The following PIEZO2 variants were observed in gnomAD, a reference collection of about 807,000 sequenced individuals.
PIEZO2 encodes the protein piezo-type mechanosensitive ion channel component 2.
PIEZO2 carries 172 observed loss-of-function variants against 337.3 expected under a neutral mutation model. The observed-to-expected ratio is 0.51, with a 90% confidence interval of 0.45 to 0.58. PIEZO2 has a LOEUF of 0.58. PIEZO2 is among the 20% of genes least tolerant of loss of function. PIEZO2 has a pLI of 0.00. For missense variants in PIEZO2, 3,028 were observed against 3,391.3 expected (o/e 0.89, Z 2.66); for synonymous variants, 1,251 against 1,228.5 (o/e 1.02, Z -0.38).
chr18:10,831,113 C>A (rs367547114), intron 7 of PIEZO2, among the ~76,000 whole-genome samples: 8 of 152,082 alleles, frequency 5.3e-5, no homozygotes, highest in African/African-American at 1.9e-4. Context: ...GAAAACAGTA[C>A]GGAGGTTCCT....
Position 10,795,482 on chromosome 18 carries a change from T to C in PIEZO2, c.1528-480A>G, listed in dbSNP as rs1443628205. On this transcript the variant is annotated intron_variant, in intron 12 of 55. Coordinates refer to ENST00000674853, the MANE Select transcript of PIEZO2 (RefSeq NM_001378183.1). The surrounding 1 kb of genome is among the most constrained non-coding windows in gnomAD (Gnocchi z 4.4). ...GAGAAAAAAAAATGGTATACTCCTG[T>C]GAGCTCAGAATGAGAGATTTGCTGC... Among the ~76,000 whole-genome samples the C allele has an allele frequency of 6.6e-6, 1 of 151,956 alleles. No homozygotes were observed. Among genetic ancestry groups the C allele is most frequent in the Non-Finnish European group, 1.5e-5 (1 of 68,018 alleles).
At position 10,871,241 on chromosome 18, in the gene PIEZO2, A is replaced by G. The variant is rs2042131721; in HGVS notation, c.492+12T>C. 6.5e-7 allele frequency: 1 copy of G among 1,534,812 alleles called. No homozygotes were observed. ...GAAATCAAAGAAGGAAGAGACATGG[A>G]GTTGGATTTACCAATTCTTCATTTT... is the stretch of plus-strand genomic sequence containing the variant. On this transcript the variant is annotated intron_variant, in intron 5 of 55. Transcript: ENST00000674853.
chr18:10,800,475 C>A lies in PIEZO2; in HGVS notation c.1240G>T (p.Gly414Cys), dbSNP rs1248417082. 1 of 1,526,996 alleles carries A rather than the reference C, an allele frequency of 6.5e-7. No homozygotes were observed. Among genetic ancestry groups the A allele is most frequent in the Admixed American group, 2.0e-5 (1 of 49,028 alleles). The allele number at this position is 1,526,996 out of a possible 1,614,324, so 94.6% of individuals were successfully genotyped here. Residue 414 changes from glycine (G) to cysteine (C), a missense_variant and splice_region_variant, in exon 11 of 56, where the codon GGC becomes TGC. Transcript: ENST00000674853. ...MTQDDYKPSDGLLVTVNGNPV... is the reference protein window; with the variant it reads ...MTQDDYKPSDCLLVTVNGNPV... Reference sequence around the variant, plus strand: ...TTGCCGTTCACAGTCACCAGCAGGCCCTGCCGGGAGTGCAGAGAAAGGGAC... The same window carrying A: ...TTGCCGTTCACAGTCACCAGCAGGCACTGCCGGGAGTGCAGAGAAAGGGAC...
intron 36 of PIEZO2, 71 bp downstream of exon 36, chr18:10,731,336 T>C: frequency 9.6e-7 from 1 of 1,038,324 alleles, no homozygotes; most frequent in Non-Finnish European, 1.4e-6. Flanking sequence ...TTTCTGTCCT[T>C]TGCAGACAAG....
chr18:10,996,206 G>A (rs1275199032), intron 2 of PIEZO2, among the ~76,000 whole-genome samples: 1 of 152,104 alleles, frequency 6.6e-6, no homozygotes, highest in Non-Finnish European at 1.5e-5. Context: ...AGTGTTTGTT[G>A]CTTTCACTGA....
intron 11 of PIEZO2, among the ~76,000 whole-genome samples, chr18:10,799,526 TGA>T (rs56263708): frequency 0.28 from 42,458 of 152,038 alleles, 6,924 homozygotes; most frequent in Middle Eastern, 0.41. Flanking sequence ...AAATCAAATC[TGA>T]GAGTGAAACT....
chr18:10,752,423 G>A (rs2037683946), intron 28 of PIEZO2, among the ~76,000 whole-genome samples: 1 of 152,198 alleles, frequency 6.6e-6, no homozygotes, highest in Admixed American at 6.5e-5. Flanking sequence ...CTTTAGCCAT[G>A]TGGCCTTGAA....
In PIEZO2 at chr18:11,083,482, A is replaced by T. The variant is rs1301930089; in HGVS notation, c.65-17260T>A. 2.6e-5 allele frequency among the ~76,000 whole-genome samples: 4 copies of T among 152,206 alleles called. No individual in the cohort carries two copies. The East Asian group carries it at 7.7e-4, about 29-fold the overall frequency. On this transcript the variant is annotated intron_variant, in intron 1 of 55. Coordinates refer to ENST00000674853, the MANE Select transcript of PIEZO2 (RefSeq NM_001378183.1). This position sits in a 1 kb window ranked among gnomAD's most constrained non-coding sequence, Gnocchi z 4.4. Reference sequence around the variant, plus strand: ...GAATGATGCTGGCTGTGGCTTGGGGAAATGGAGGGGAACTAGAGAGAGGAG... The same window carrying T: ...GAATGATGCTGGCTGTGGCTTGGGGTAATGGAGGGGAACTAGAGAGAGGAG...
At chr18:11,141,290 G>A (rs1005323189) in intron 1 of PIEZO2, among the ~76,000 whole-genome samples, 1 of 152,178 alleles carries the variant, frequency 6.6e-6, no homozygotes, top group Non-Finnish European at 1.5e-5. Context: ...TGTATTTAAG[G>A]AAGAATGGCA....
Position 11,009,071 on chromosome 18 carries a change from G to A in PIEZO2, c.161-29411C>T, listed in dbSNP as rs893596127. Among the ~76,000 whole-genome samples the A allele has an allele frequency of 1.3e-5, 2 of 152,230 alleles. No homozygotes were observed. Among genetic ancestry groups the A allele is most frequent in the Non-Finnish European group, 1.5e-5 (1 of 68,008 alleles). On this transcript the variant is annotated intron_variant, in intron 2 of 55. Coordinates refer to ENST00000674853, the MANE Select transcript of PIEZO2 (RefSeq NM_001378183.1). This position sits in a 1 kb window ranked among gnomAD's most constrained non-coding sequence, Gnocchi z 4.6. ...AGATTGAATTCTGTTACTTAACTACGTACGTGATTGTGTTCAAATCCTTCA... is the reference window on the plus strand; with the variant it reads ...AGATTGAATTCTGTTACTTAACTACATACGTGATTGTGTTCAAATCCTTCA...
At chr18:11,036,792 C>T (rs982452834) in intron 2 of PIEZO2, among the ~76,000 whole-genome samples, 8 of 152,026 alleles carry the variant, frequency 5.3e-5, no homozygotes, top group African/African-American at 1.9e-4. Context: ...AATTATTCTC[C>T]TCATGGGTAA....
At chr18:10,718,868 A>C (rs1161098586) in intron 36 of PIEZO2, among the ~76,000 whole-genome samples, 2 of 151,782 alleles carry the variant, frequency 1.3e-5, no homozygotes, top group African/African-American at 2.4e-5. Context: ...GGTGGTGCGC[A>C]CCTGTAGTCC....
chr18:10,847,863 T>C lies in PIEZO2; in HGVS notation c.917+7490A>G, dbSNP rs1326859678. Among the ~76,000 whole-genome samples, 1 of 152,246 alleles carries C rather than the reference T, an allele frequency of 6.6e-6. No homozygotes were observed. Among genetic ancestry groups the C allele is most frequent in the East Asian group, 1.9e-4 (1 of 5,204 alleles). On this transcript the variant is annotated intron_variant, in intron 7 of 55. Transcript: ENST00000674853. This position sits in a 1 kb window ranked among gnomAD's most constrained non-coding sequence, Gnocchi z 5.7. ...AACACTAGAGATTAACTGCTGCCAATGCCATCTTCTAACAAAAAGGTGAAG... is the reference window on the plus strand; with the variant it reads ...AACACTAGAGATTAACTGCTGCCAACGCCATCTTCTAACAAAAAGGTGAAG...
intron 13 of PIEZO2, 163 bp from the exon 14 acceptor site, chr18:10,791,487 C>G: frequency 1.4e-6 from 1 of 721,148 alleles, no homozygotes; most frequent in Non-Finnish European, 2.0e-6. Flanking sequence ...CTGAGATTCA[C>G]TGCTTTTAAG....
intron 1 of PIEZO2, among the ~76,000 whole-genome samples, chr18:11,139,643 A>T (rs1242871622): frequency 6.6e-6 from 1 of 152,168 alleles, no homozygotes; most frequent in Non-Finnish European, 1.5e-5. Flanking sequence ...TTATCTTTCC[A>T]CAGATATTTA....
At chr18:10,991,139 T>C (rs529347779) in intron 2 of PIEZO2, among the ~76,000 whole-genome samples, 21 of 151,112 alleles carry the variant, frequency 1.4e-4, no homozygotes, top group African/African-American at 4.9e-4. Flanking sequence ...ATTCTTTTTG[T>C]TTTTGGAAGG....
Position 10,943,518 on chromosome 18 carries a change from G to A in PIEZO2, c.287-32290C>T, listed in dbSNP as rs1041745927. Among the ~76,000 whole-genome samples the A allele has an allele frequency of 1.3e-5, 2 of 152,164 alleles. No homozygotes were observed. Among genetic ancestry groups the A allele is most frequent in the East Asian group, 1.9e-4 (1 of 5,192 alleles). On this transcript the variant is annotated intron_variant, in intron 3 of 55. Transcript: ENST00000674853. The surrounding 1 kb of genome is among the most constrained non-coding windows in gnomAD (Gnocchi z 4.5). Reference sequence around the variant, plus strand: ...AGCACCTTAGTTTTGGCCAATTTCTGCCATTTGGAATGGCTTTATTTGCCC... The same window carrying A: ...AGCACCTTAGTTTTGGCCAATTTCTACCATTTGGAATGGCTTTATTTGCCC...
rs1401986041 is a variant in PIEZO2, at chr18:11,038,614, G to A, written c.160+27513C>T. Among the ~76,000 whole-genome samples the A allele has an allele frequency of 6.6e-6, 1 of 152,168 alleles. No individual in the cohort carries two copies. Among genetic ancestry groups the A allele is most frequent in the Non-Finnish European group, 1.5e-5 (1 of 68,040 alleles). On this transcript the variant is annotated intron_variant, in intron 2 of 55. Transcript: ENST00000674853. This position sits in a 1 kb window ranked among gnomAD's most constrained non-coding sequence, Gnocchi z 4.1. The stretch of plus-strand genomic sequence containing the variant: ...CCACAGTGCAGCTGAGGAGCAGCAT[G>A]TAGTCAGGAAAGAGCATTCCATCAG...
Position 10,926,283 on chromosome 18 carries a change from G to A in PIEZO2, c.287-15055C>T, listed in dbSNP as rs143803640. On this transcript the variant is annotated intron_variant, in intron 3 of 55. Transcript: ENST00000674853. ...TCTACCCAACTCCACATTCAGCGGC[G>A]TCACGTTCACAGCTTGGCATCGCCC... is the stretch of plus-strand genomic sequence containing the variant. Among the ~76,000 whole-genome samples the A allele has an allele frequency of 2.6e-5, 4 of 152,302 alleles. No homozygotes were observed. The East Asian group carries it at 5.8e-4, about 22-fold the overall frequency.
Sources: allele counts gnomAD v4.1 joint callset (sites outside exome capture counted in the v4.1 genomes callset), GRCh38; gene constraint gnomAD v4.1.1; non-coding constraint Gnocchi (gnomAD v3.1); transcripts MANE v1.5; gene names NCBI Gene and HGNC (gene_info 2026-07-23, HGNC 2026-07-21).